The following PXDNL variants were observed in gnomAD, a reference collection of about 807,000 sequenced individuals.
PXDNL encodes probable oxidoreductase PXDNL.
A neutral mutation model predicts 150.8 loss-of-function variants in PXDNL; 145 were observed. The observed-to-expected ratio is 0.96, with a 90% CI of 0.84 to 1.10. The LOEUF (loss-of-function observed/expected upper bound fraction) is 1.10. PXDNL is among the 50% of genes least tolerant of loss of function. The pLI is 0.00. For synonymous variants in PXDNL, 757 were observed against 725.7 expected, an observed-to-expected ratio of 1.04 and a Z score of -0.69; for missense variants, 2,087 against 1,873.9, an observed-to-expected ratio of 1.11 and a Z score of -2.10.
chr8:51,381,727 A>G (rs1005150277), intron 17 of PXDNL, among the ~76,000 whole-genome samples: 6 of 151,530 alleles, frequency 4.0e-5, no homozygotes, highest in Non-Finnish European at 8.8e-5. Context: ...AATCTCGGCT[A>G]CTGAAAGCTC....
intron 1 of PXDNL, among the ~76,000 whole-genome samples, chr8:51,724,644 C>T (rs1816790928): frequency 6.6e-6 from 1 of 152,166 alleles, no homozygotes; most frequent in Non-Finnish European, 1.5e-5. Context: ...GCCATGGACA[C>T]TACTAGCAAA....
At chr8:51,320,623 A>G in intron 22 of PXDNL, 161 bp downstream of exon 22, 1 of 586,764 alleles carries the variant, frequency 1.7e-6, no homozygotes, top group South Asian at 2.3e-5. Context: ...ATTAATAAGC[A>G]AAAGCCTCAA....
chr8:51,573,126 C>A (rs73588740), intron 3 of PXDNL, among the ~76,000 whole-genome samples: 1 of 151,876 alleles, frequency 6.6e-6, no homozygotes, highest in Non-Finnish European at 1.5e-5. Context: ...AAAATAATAA[C>A]TCTATTCTAG....
chr8:51,442,302 A>T (rs1487678662), intron 12 of PXDNL, among the ~76,000 whole-genome samples: 1 of 148,764 alleles, frequency 6.7e-6, no homozygotes, highest in African/African-American at 2.5e-5. Flanking sequence ...ATCTAGTATG[A>T]TTAGCCCTCC....
At chr8:51,768,498 T>C (rs1162598897) in intron 1 of PXDNL, among the ~76,000 whole-genome samples, 4 of 152,170 alleles carry the variant, frequency 2.6e-5, no homozygotes, top group African/African-American at 7.2e-5. Flanking sequence ...AGTTTATATA[T>C]GAGTGAAACT....
intron 4 of PXDNL, among the ~76,000 whole-genome samples, chr8:51,509,467 G>C (rs1811363654): frequency 6.6e-6 from 1 of 151,926 alleles, no homozygotes; most frequent in African/African-American, 2.4e-5. Flanking sequence ...CTGTCTCTCT[G>C]CTCCAGCCAC....
intron 19 of PXDNL, among the ~76,000 whole-genome samples, chr8:51,347,850 G>A (rs537980066): frequency 2.0e-5 from 3 of 151,786 alleles, no homozygotes; most frequent in Non-Finnish European, 2.9e-5. Flanking sequence ...CTGTTACCTC[G>A]ACTTAGTACT....
At chr8:51,668,502 G>A (rs1434380254) in intron 1 of PXDNL, among the ~76,000 whole-genome samples, 1 of 152,006 alleles carries the variant, frequency 6.6e-6, no homozygotes, top group Non-Finnish European at 1.5e-5. Flanking sequence ...CAGGACCATG[G>A]TAATAAGACA....
chr8:51,625,699 A>G (rs1003785162), intron 2 of PXDNL, among the ~76,000 whole-genome samples: 3 of 152,240 alleles, frequency 2.0e-5, no homozygotes, highest in African/African-American at 7.2e-5. Flanking sequence ...TGGAAAGAAC[A>G]ACGTAGAAAG....
intron 2 of PXDNL, among the ~76,000 whole-genome samples, chr8:51,603,407 T>C (rs1813769515): frequency 6.6e-6 from 1 of 152,052 alleles, no homozygotes; most frequent in Non-Finnish European, 1.5e-5. Context: ...TAGTATGTTT[T>C]TGAAGTAGTC....
intron 17 of PXDNL, among the ~76,000 whole-genome samples, chr8:51,393,631 C>T (rs748590988): frequency 6.6e-5 from 10 of 152,302 alleles, no homozygotes; most frequent in Admixed American, 4.6e-4. Flanking sequence ...TGTCACCTTA[C>T]GTGGCAAAAG....
chr8:51,429,113 A>T (rs1809187245), intron 12 of PXDNL, among the ~76,000 whole-genome samples: 1 of 152,220 alleles, frequency 6.6e-6, no homozygotes, highest in African/African-American at 2.4e-5. Flanking sequence ...GGACATGCAA[A>T]TTAAAACCAC....
At chr8:51,406,672 C>T (rs1250823118) in intron 17 of PXDNL, among the ~76,000 whole-genome samples, 1 of 152,194 alleles carries the variant, frequency 6.6e-6, no homozygotes, top group East Asian at 1.9e-4. Context: ...GATCAAATGA[C>T]ATCTCTTATC....
chr8:51,386,829 A>G (rs1335538159), intron 17 of PXDNL, among the ~76,000 whole-genome samples: 1 of 152,036 alleles, frequency 6.6e-6, no homozygotes, highest in Non-Finnish European at 1.5e-5. Context: ...ATCTTGAAAA[A>G]AAAAAAAAGA....
rs372013787 is a variant in PXDNL, at chr8:51,499,714, A to T, written c.437T>A (p.Leu146Gln). The T allele has an allele frequency of 6.2e-7, 1 of 1,609,486 alleles. No homozygotes were observed. The highest frequency in any genetic ancestry group is 1.3e-5 in the African/African-American group (1 of 74,842). The change falls in exon 5 of 23, where the codon CTG (leucine) becomes CAG (glutamine). Residue 146 changes from leucine (L) to glutamine (Q), a missense_variant. Leu to Gln is a moderately radical substitution (Grantham distance 113). Transcript: ENST00000356297. ...CAACACTTACAGTCGCTCTAATCTC[A>T]GAAGGTCTCCAAAGGTCTCTGGCTG... ...MLQPETFGDLLRLERLFLHNN... is the reference protein window; with the variant it reads ...MLQPETFGDLQRLERLFLHNN...
intron 17 of PXDNL, among the ~76,000 whole-genome samples, chr8:51,376,522 A>G (rs957548649): frequency 3.3e-5 from 5 of 151,828 alleles, no homozygotes; most frequent in Non-Finnish European, 7.4e-5. Context: ...TTTGATTTGC[A>G]TTTCTGTTTT....
At chr8:51,635,812 C>A (rs1017951930) in intron 2 of PXDNL, among the ~76,000 whole-genome samples, 2 of 151,614 alleles carry the variant, frequency 1.3e-5, no homozygotes, top group African/African-American at 4.8e-5. Context: ...CAAAATTTTC[C>A]AAAAAAATAG....
intron 3 of PXDNL, among the ~76,000 whole-genome samples, chr8:51,565,238 G>A (rs1812794039): frequency 1.3e-5 from 2 of 150,728 alleles, no homozygotes; most frequent in Admixed American, 6.6e-5. Flanking sequence ...GTCCCCAAAG[G>A]AAAAGGGCTC....
intron 1 of PXDNL, among the ~76,000 whole-genome samples, chr8:51,783,665 C>G (rs1025509777): frequency 2.6e-5 from 4 of 152,078 alleles, no homozygotes; most frequent in African/African-American, 9.7e-5. Flanking sequence ...TACTGGAAAG[C>G]CATTGCTGAA....
Sources: allele counts gnomAD v4.1 joint callset (sites outside exome capture counted in the v4.1 genomes callset), GRCh38; gene constraint gnomAD v4.1.1; transcripts MANE v1.5; gene names NCBI Gene and HGNC (gene_info 2026-07-23, HGNC 2026-07-21).